Variants in SNX29 observed in about 807,000 individuals in gnomAD.
SNX29 encodes the protein sorting nexin-29.
SNX29 carries 78 observed loss-of-function variants against 102.1 expected under a neutral mutation model. The observed-to-expected ratio is 0.76, with a 90% confidence interval of 0.64 to 0.92. The LOEUF (loss-of-function observed/expected upper bound fraction) is 0.92, where lower values mean the gene tolerates loss of function less well. SNX29 is among the 40% of genes least tolerant of loss of function. The pLI, the probability that SNX29 is intolerant of heterozygous loss-of-function variation, is 0.00. For missense variants in SNX29, 1,280 were observed against 1,061.7 expected (o/e 1.21, Z -2.86); for synonymous variants, 580 against 414.5 (o/e 1.40, Z -4.85).
intron 16 of SNX29, among the ~76,000 whole-genome samples, chr16:12,397,256 T>G (rs2083756763): frequency 6.6e-6 from 1 of 152,270 alleles, no homozygotes; most frequent in Non-Finnish European, 1.5e-5. Context: ...TCATTTCTTC[T>G]TGAAGCCTTC....
At chr16:12,535,781 G>A (rs985578103) in intron 20 of SNX29, among the ~76,000 whole-genome samples, 1 of 151,902 alleles carries the variant, frequency 6.6e-6, no homozygotes, top group Admixed American at 6.5e-5. Flanking sequence ...GAGGTCCTCA[G>A]AGTATAGAGG....
At chr16:12,360,939 C>T (rs1171244535) in intron 16 of SNX29, among the ~76,000 whole-genome samples, 1 of 152,138 alleles carries the variant, frequency 6.6e-6, no homozygotes, top group African/African-American at 2.4e-5. Flanking sequence ...GGTTTAATTA[C>T]AAAGCCCATT....
chr16:11,977,803 T>G (rs2055335992), intron 1 of SNX29: 1 of 152,300 alleles, frequency 6.6e-6, no homozygotes, highest in Non-Finnish European at 1.5e-5. Flanking sequence ...GGGTGTTGTA[T>G]GTGGAGATGG....
At chr16:12,038,750 C>T (rs1220024624) in intron 4 of SNX29, 4 of 152,114 alleles carry the variant, frequency 2.6e-5, no homozygotes, top group Admixed American at 6.5e-5. Context: ...GATTCAAGGT[C>T]GGAGGGAGGT....
chr16:12,217,841 C>G (rs907529371), intron 14 of SNX29, among the ~76,000 whole-genome samples: 2 of 152,200 alleles, frequency 1.3e-5, no homozygotes, highest in African/African-American at 2.4e-5. Context: ...GCCTCATCCT[C>G]CATCTATAAA....
At chr16:12,354,604 T>C (rs1485660987) in intron 15 of SNX29, among the ~76,000 whole-genome samples, 1 of 152,190 alleles carries the variant, frequency 6.6e-6, no homozygotes, top group Non-Finnish European at 1.5e-5. Context: ...GGGGGCACAT[T>C]GGCAGGTATT....
chr16:12,381,889 A>C (rs1158911905), intron 16 of SNX29, among the ~76,000 whole-genome samples: 3 of 139,476 alleles, frequency 2.2e-5, no homozygotes, highest in African/African-American at 8.2e-5. Flanking sequence ...CCTCCCATTC[A>C]CCCCCACTCC....
At chr16:12,240,643 C>T (rs1474776173) in intron 14 of SNX29, among the ~76,000 whole-genome samples, 2 of 121,618 alleles carry the variant, frequency 1.6e-5, no homozygotes, top group Admixed American at 2.3e-4. Context: ...GTCACCCAGG[C>T]TGGAGTGCAG....
chr16:12,344,199 T>C (rs1056785452), intron 15 of SNX29, among the ~76,000 whole-genome samples: 2 of 152,234 alleles, frequency 1.3e-5, no homozygotes, highest in South Asian at 4.1e-4. Flanking sequence ...TCTTTATAAA[T>C]TACCCAGTCT....
At chr16:12,203,995 A>G (rs544249720) in intron 14 of SNX29, among the ~76,000 whole-genome samples, 5 of 152,014 alleles carry the variant, frequency 3.3e-5, no homozygotes, top group Non-Finnish European at 4.4e-5. Flanking sequence ...CTGGCACCTT[A>G]CCTGGATGGC....
intron 13 of SNX29, among the ~76,000 whole-genome samples, chr16:12,169,448 C>G (rs1162634605): frequency 6.6e-6 from 1 of 152,204 alleles, no homozygotes; most frequent in Non-Finnish European, 1.5e-5. Context: ...ACGGACTTGG[C>G]TGGAGGGCCT....
chr16:12,465,111 A>G (rs1361901522), intron 18 of SNX29, among the ~76,000 whole-genome samples: 3 of 152,160 alleles, frequency 2.0e-5, no homozygotes, highest in Non-Finnish European at 4.4e-5. Flanking sequence ...ATTTCTGTAT[A>G]TATTTTGGAT....
At chr16:12,327,262 C>G (rs2081147020) in intron 15 of SNX29, among the ~76,000 whole-genome samples, 1 of 152,136 alleles carries the variant, frequency 6.6e-6, no homozygotes, top group Admixed American at 6.5e-5. Context: ...TTTTAAGCTT[C>G]TGAGTGACAT....
At chr16:12,188,489 C>T (rs763890314) in intron 13 of SNX29, among the ~76,000 whole-genome samples, 3 of 152,034 alleles carry the variant, frequency 2.0e-5, no homozygotes, top group African/African-American at 4.8e-5. Context: ...AGTATGATTC[C>T]GGCTGTTAAG....
chr16:11,995,110 G>T (rs2056010610), intron 1 of SNX29, among the ~76,000 whole-genome samples: 1 of 152,204 alleles, frequency 6.6e-6, no homozygotes. Context: ...CTGTTGCCCA[G>T]GCTGGAGTGC....
At chr16:12,425,442 G>T (rs896887337) in intron 18 of SNX29, among the ~76,000 whole-genome samples, 5 of 150,164 alleles carry the variant, frequency 3.3e-5, no homozygotes, top group African/African-American at 1.2e-4. Flanking sequence ...GATCTTAGAA[G>T]GAGGCCCAGG....
chr16:12,272,315 A>G (rs1473912942), intron 14 of SNX29, among the ~76,000 whole-genome samples: 3 of 152,176 alleles, frequency 2.0e-5, no homozygotes, highest in Admixed American at 6.5e-5. Flanking sequence ...AGCGGGTTGA[A>G]TGAATTGTGA....
At chr16:12,194,632 T>G (rs1307947148) in intron 13 of SNX29, among the ~76,000 whole-genome samples, 1 of 151,178 alleles carries the variant, frequency 6.6e-6, no homozygotes, top group Non-Finnish European at 1.5e-5. Context: ...GTTTTTTTTT[T>G]TTTTTTTTTT....
At chr16:12,548,392 G>A (rs550224004) in intron 20 of SNX29, among the ~76,000 whole-genome samples, 3 of 152,270 alleles carry the variant, frequency 2.0e-5, no homozygotes, top group African/African-American at 7.2e-5. Context: ...ACCTTCTAAG[G>A]TCTCCTTTGT....
Sources: allele counts gnomAD v4.1 joint callset (sites outside exome capture counted in the v4.1 genomes callset), GRCh38; gene constraint gnomAD v4.1.1; transcripts MANE v1.5; gene names NCBI Gene and HGNC (gene_info 2026-07-23, HGNC 2026-07-21).